The following SORCS3 variants were observed in gnomAD, a reference collection of about 807,000 sequenced individuals.
SORCS3 encodes VPS10 domain-containing receptor SorCS3.
In SORCS3, 57 loss-of-function variants were observed where a neutral mutation model predicts 146.3. The ratio of observed to expected loss-of-function variants is 0.39; its 90% CI spans 0.31 to 0.49. SORCS3 has a LOEUF of 0.49. Among genes scored for constraint, SORCS3 ranks in the 20% least tolerant of loss-of-function variants. The probability of loss-of-function intolerance (pLI) is 0.92; values close to 1 mark genes in which losing one functional copy is unlikely to be tolerated. For missense variants in SORCS3, 1,341 were observed against 1,575.5 expected (o/e 0.85, Z 2.52); for synonymous variants, 653 against 618.5 (o/e 1.06, Z -0.83).
intron 2 of SORCS3, among the ~76,000 whole-genome samples, chr10:104,849,327 A>G (rs1395003440): frequency 6.7e-6 from 1 of 149,208 alleles, no homozygotes; most frequent in African/African-American, 2.5e-5. Context: ...CAGGAGAATC[A>G]CTTGAACGCG....
intron 19 of SORCS3, among the ~76,000 whole-genome samples, chr10:105,221,826 C>T (rs993838361): frequency 2.6e-5 from 4 of 151,848 alleles, no homozygotes; most frequent in Admixed American, 1.3e-4. Flanking sequence ...ATGGTGGAAA[C>T]CAAGAAAATG....
intron 5 of SORCS3, among the ~76,000 whole-genome samples, chr10:105,076,830 C>G (rs2055592389): frequency 6.6e-6 from 1 of 152,258 alleles, no homozygotes; most frequent in African/African-American, 2.4e-5. Flanking sequence ...TGTCCTATTC[C>G]TAGTAGAGCA....
intron 7 of SORCS3, among the ~76,000 whole-genome samples, chr10:105,132,733 A>G (rs2056029877): frequency 6.6e-6 from 1 of 152,218 alleles, no homozygotes; most frequent in South Asian, 2.1e-4. Flanking sequence ...AGCCCAATTA[A>G]ACCTGTAAAA....
intron 3 of SORCS3, among the ~76,000 whole-genome samples, chr10:104,922,341 G>T (rs1405115893): frequency 6.6e-6 from 1 of 152,196 alleles, no homozygotes; most frequent in African/African-American, 2.4e-5. Context: ...GTCTACCTCT[G>T]AGCAAAGTAT....
At chr10:105,130,755 C>A (rs2056012936) in intron 7 of SORCS3, among the ~76,000 whole-genome samples, 1 of 152,010 alleles carries the variant, frequency 6.6e-6, no homozygotes, top group Admixed American at 6.6e-5. Context: ...GGTAATAGAC[C>A]CAGTCTTTCT....
At chr10:104,749,449 G>C (rs146624238) in intron 1 of SORCS3, among the ~76,000 whole-genome samples, 2 of 151,970 alleles carry the variant, frequency 1.3e-5, no homozygotes, top group African/African-American at 4.8e-5. Context: ...AAAAATTGGG[G>C]CATCTTTGGC....
chr10:104,729,072 G>A (rs74668952), intron 1 of SORCS3, among the ~76,000 whole-genome samples: 1,703 of 152,244 alleles, frequency 0.011, 26 homozygotes, highest in African/African-American at 0.038. Flanking sequence ...ATAGTTTTAT[G>A]AACTCAGATT....
chr10:105,215,586 G>C (rs1366934389), intron 18 of SORCS3, among the ~76,000 whole-genome samples: 1 of 152,162 alleles, frequency 6.6e-6, no homozygotes, highest in Non-Finnish European at 1.5e-5. Flanking sequence ...ATTTCCACTA[G>C]GGAGTTTCCA....
chr10:104,643,563 T>A (rs2015454391), intron 1 of SORCS3, among the ~76,000 whole-genome samples: 1 of 152,182 alleles, frequency 6.6e-6, no homozygotes, highest in Non-Finnish European at 1.5e-5. Context: ...ATGTGTGCCT[T>A]TGCAGGGCTG....
At chr10:104,643,137 T>G (rs2015447595) in intron 1 of SORCS3, among the ~76,000 whole-genome samples, 1 of 152,108 alleles carries the variant, frequency 6.6e-6, no homozygotes. Context: ...TTGGGTAGGG[T>G]GCACGCTCCA....
chr10:105,048,007 T>G (rs917803727), intron 5 of SORCS3, among the ~76,000 whole-genome samples: 1 of 152,026 alleles, frequency 6.6e-6, no homozygotes, highest in Non-Finnish European at 1.5e-5. Flanking sequence ...CCAGTTAGAA[T>G]GGCGATCATG....
At chr10:105,020,918 C>G (rs1417077200) in intron 4 of SORCS3, among the ~76,000 whole-genome samples, 1 of 152,220 alleles carries the variant, frequency 6.6e-6, no homozygotes, top group Non-Finnish European at 1.5e-5. Flanking sequence ...TCCTTGGCCA[C>G]AGTACATAAT....
At chr10:105,167,180 T>C in intron 12 of SORCS3, 78 bp from the exon 13 acceptor site, 1 of 1,147,026 alleles carries the variant, frequency 8.7e-7, no homozygotes, top group South Asian at 1.4e-5. Flanking sequence ...ACAATATATG[T>C]GAAAGACTGT....
intron 9 of SORCS3, among the ~76,000 whole-genome samples, chr10:105,153,587 T>C (rs1300154642): frequency 6.6e-6 from 1 of 151,950 alleles, no homozygotes; most frequent in Non-Finnish European, 1.5e-5. Flanking sequence ...CTTCATATCT[T>C]CAGCAACACT....
intron 2 of SORCS3, among the ~76,000 whole-genome samples, chr10:104,858,231 C>A (rs1274244256): frequency 6.6e-6 from 1 of 152,094 alleles, no homozygotes; most frequent in African/African-American, 2.4e-5. Context: ...CATTCAAAAT[C>A]ATTGTTATGT....
chr10:104,820,935 A>G (rs1329498217), intron 1 of SORCS3, among the ~76,000 whole-genome samples: 1 of 152,226 alleles, frequency 6.6e-6, no homozygotes, highest in Non-Finnish European at 1.5e-5. Context: ...TGGGAGAAGT[A>G]TTTTAAGCAC....
intron 7 of SORCS3, among the ~76,000 whole-genome samples, chr10:105,123,176 A>ACCCACCCAGACTCTTCATCC (rs1289580152): frequency 1.3e-5 from 2 of 152,232 alleles, no homozygotes; most frequent in Non-Finnish European, 2.9e-5. Context: ...GAGCTTCACC[A>ACCCACCCAGACTCTTCATCC]CCCACCCAGA....
chr10:104,986,276 TA>T (rs2133658695), intron 4 of SORCS3, among the ~76,000 whole-genome samples: 1 of 152,356 alleles, frequency 6.6e-6, no homozygotes, highest in East Asian at 1.9e-4. Flanking sequence ...CAGCTTCTGC[TA>T]CTTCAAACTT....
intron 14 of SORCS3, among the ~76,000 whole-genome samples, chr10:105,190,818 A>G (rs1301482949): frequency 6.6e-6 from 1 of 152,224 alleles, no homozygotes; most frequent in African/African-American, 2.4e-5. Flanking sequence ...CTGCCCACAA[A>G]GTTCTTAGAC....
Sources: allele counts gnomAD v4.1 joint callset (sites outside exome capture counted in the v4.1 genomes callset), GRCh38; gene constraint gnomAD v4.1.1; transcripts MANE v1.5; gene names NCBI Gene and HGNC (gene_info 2026-07-23, HGNC 2026-07-21).